The following ZNF790 variants were observed in gnomAD, a reference collection of about 807,000 sequenced individuals.
The protein encoded by ZNF790 is zinc finger protein 790.
A neutral mutation model predicts 12.1 loss-of-function variants in ZNF790; 8 were observed. The ratio of observed to expected loss-of-function variants is 0.66; its 90% CI spans 0.39 to 1.19. ZNF790 has a LOEUF of 1.19. Ranked by LOEUF, ZNF790 falls within the 50% of genes most tolerant of loss-of-function variation. ZNF790 has a pLI of 0.01. For missense variants in ZNF790, 707 were observed against 752.2 expected (o/e 0.94, Z 0.70); for synonymous variants, 252 against 244.3 (o/e 1.03, Z -0.29).
At chr19:36,845,531 A>T (rs181687516) in intron 1 of ZNF790, among the ~76,000 whole-genome samples, 2 of 152,338 alleles carry the variant, frequency 1.3e-5, no homozygotes, top group Admixed American at 1.3e-4. Flanking sequence ...TGTATGCAGA[A>T]TTAAATAACA....
At chr19:36,829,843 A>G (rs367899607) in intron 1 of ZNF790, among the ~76,000 whole-genome samples, 2 of 152,356 alleles carry the variant, frequency 1.3e-5, no homozygotes, top group East Asian at 3.9e-4. Flanking sequence ...CTGGGATTAC[A>G]GGCCTGAGCT....
At position 36,818,424 on chromosome 19, in the gene ZNF790, T is replaced by C. The variant is rs1568331953; in HGVS notation, c.*9A>G. The C allele has an allele frequency of 6.6e-7, 1 of 1,521,090 alleles. No individual in the cohort carries two copies. The highest frequency in any genetic ancestry group is 8.8e-7 in the Non-Finnish European group (1 of 1,133,780). 94.2% of individuals were successfully genotyped at this position (1,521,090 alleles called of 1,614,324 possible). The stretch of plus-strand genomic sequence containing the variant: ...GAATAAAGCCCTTCCTACACTTTTA[T>C]ATAATATTTCACAAGAGTGAAATGA... On this transcript the variant is annotated 3_prime_UTR_variant, in exon 5 of 5. Coordinates refer to ENST00000356725, the MANE Select transcript of ZNF790 (RefSeq NM_206894.4).
Position 36,818,859 on chromosome 19 carries a change from T to A in ZNF790, c.1485A>T (p.Arg495=). Residue 495 remains arginine (R), a synonymous_variant, in exon 5 of 5, where the codon CGA becomes CGT. Coordinates refer to ENST00000356725, the MANE Select transcript of ZNF790 (RefSeq NM_206894.4). The stretch of plus-strand genomic sequence containing the variant: ...TCTTTCCAGTATGAATTTTCTGGTG[T>A]CGATTAAGTTCTGAACCACGAAAAA... ...KTFFRGSELN[R]HQKIHTGKRP... is the part of the protein sequence containing the mutation. 6.2e-7 allele frequency: 1 copy of A among 1,613,636 alleles called. No individual in the cohort carries two copies. The highest frequency in any genetic ancestry group is 1.3e-5 in the African/African-American group (1 of 75,004).
In ZNF790 at chr19:36,819,206, T is replaced by G. The variant is rs760623189; in HGVS notation, c.1138A>C (p.Asn380His). 1.9e-6 allele frequency: 3 copies of G among 1,613,546 alleles called. No homozygotes were observed. Among genetic ancestry groups the G allele is most frequent in the Non-Finnish European group, 8.5e-7 (1 of 1,179,860 alleles). Reference sequence around the variant, plus strand: ...TGAACATTCTGATGTTGAGCAAGATTTGAACCACGAATAAAGGCTTTTCCA... The same window carrying G: ...TGAACATTCTGATGTTGAGCAAGATGTGAACCACGAATAAAGGCTTTTCCA... ...ECGKAFIRGS[N>H]LAQHQNVHVG... is the part of the protein sequence containing the mutation. Residue 380 changes from asparagine to histidine, a missense_variant, in exon 5 of 5, where the codon AAT becomes CAT. By Grantham distance (68) the Asn-to-His change is moderately conservative. Coordinates refer to ENST00000356725, the MANE Select transcript of ZNF790 (RefSeq NM_206894.4).
chr19:36,822,548 T>A (rs1204514711), intron 4 of ZNF790, among the ~76,000 whole-genome samples: 2 of 152,200 alleles, frequency 1.3e-5, no homozygotes, highest in Non-Finnish European at 2.9e-5. Flanking sequence ...TTGTTTTGTT[T>A]TGTTTTTGAG....
chr19:36,823,857 TGAAAG>T, intron 2 of ZNF790, 67 bp from the exon 3 acceptor site: 2 of 1,456,070 alleles, frequency 1.4e-6, no homozygotes, highest in Admixed American at 2.3e-5. Flanking sequence ...TCCCTATAGA[TGAAAG>T]GGGAAAGGCT....
At chr19:36,843,129 T>C (rs964530771), upstream of ZNF790, among the ~76,000 whole-genome samples, 1 of 152,152 alleles carries the variant, frequency 6.6e-6, no homozygotes, top group Non-Finnish European at 1.5e-5. Context: ...TATTTGCCAA[T>C]TCTTGGCAAA....
At chr19:36,823,858 GA>G in intron 2 of ZNF790, 68 bp from the exon 3 acceptor site, 1 of 1,440,272 alleles carries the variant, frequency 6.9e-7, no homozygotes, top group Non-Finnish European at 9.3e-7. Flanking sequence ...CCCTATAGAT[GA>G]AAGGGGAAAG....
At position 36,819,641 on chromosome 19, in the gene ZNF790, A is replaced by G; in HGVS notation, c.703T>C (p.Phe235Leu). The G allele has an allele frequency of 6.2e-7, 1 of 1,607,668 alleles. No homozygotes were observed. Among genetic ancestry groups the G allele is most frequent in the South Asian group, 1.1e-5 (1 of 90,654 alleles). ...TYECKECGKS[F>L]SLRSSLTGHK... ...CCAGTAAGACTCGAACGTAAACTAA[A>G]AGACTTCCCACATTCTTTACATTCA... Residue 235 changes from phenylalanine to leucine, a missense_variant, in exon 5 of 5, where the codon TTT (phenylalanine) becomes CTT (leucine). Phe to Leu is a conservative substitution (Grantham distance 22, BLOSUM62 0). Coordinates refer to ENST00000356725, the MANE Select transcript of ZNF790 (RefSeq NM_206894.4).
At chr19:36,842,665 CAAA>C (rs531022010), upstream of ZNF790, among the ~76,000 whole-genome samples, 1 of 134,084 alleles carries the variant, frequency 7.5e-6, no homozygotes, top group African/African-American at 2.7e-5. Flanking sequence ...AGATATAATA[CAAA>C]AAAAAAAAAC....
intron 1 of ZNF790, among the ~76,000 whole-genome samples, chr19:36,843,960 T>C (rs2072152170): frequency 6.9e-6 from 1 of 145,942 alleles, no homozygotes. Flanking sequence ...TGAGCCGAGA[T>C]TGCACCATTG....
At chr19:36,828,852 C>T (rs548817036) in intron 1 of ZNF790, among the ~76,000 whole-genome samples, 36 of 152,290 alleles carry the variant, frequency 2.4e-4, no homozygotes, top group African/African-American at 7.9e-4. Flanking sequence ...CAAAGTAAAT[C>T]CCAACCATCA....
At chr19:36,827,141 CATATATATATATATATATATAT>C (rs369671729) in intron 1 of ZNF790, among the ~76,000 whole-genome samples, 1,177 of 84,458 alleles carry the variant, frequency 0.014, 39 homozygotes, top group Middle Eastern at 0.08. Flanking sequence ...CACACACACA[CATATATATATATATATATATAT>C]ATATATATAT....
At position 36,823,752 on chromosome 19, in the gene ZNF790, C is replaced by T. The variant is rs748393270; in HGVS notation, c.48G>A (p.Gln16=). 2 of 1,613,022 alleles carry T rather than the reference C, an allele frequency of 1.2e-6. No homozygotes were observed. The highest frequency in any genetic ancestry group is 1.1e-5 in the South Asian group (1 of 90,862). ...MFRDVAVDFS[Q]EEWECLDLEQ... Reference sequence around the variant, plus strand: ...CCAGGTCCAGGCACTCCCACTCCTCCTGAGAGAAATCTACAGCCACATCCC... The same window carrying T: ...CCAGGTCCAGGCACTCCCACTCCTCTTGAGAGAAATCTACAGCCACATCCC... The change falls in exon 3 of 5, where the codon CAG becomes CAA. Residue 16 remains glutamine, a synonymous_variant. Transcript: ENST00000356725.
intron 1 of ZNF790, among the ~76,000 whole-genome samples, chr19:36,833,026 CAATT>C (rs1207952468): frequency 1.3e-5 from 2 of 149,782 alleles, no homozygotes; most frequent in Non-Finnish European, 3.0e-5. Context: ...GGCAAAATGT[CAATT>C]AAATTTCAAC....
At chr19:36,838,506 C>T (rs1365497436), upstream of ZNF790, 1 of 152,266 alleles carries the variant, frequency 6.6e-6, no homozygotes, top group African/African-American at 2.4e-5. This position sits in a 1 kb window ranked among gnomAD's most constrained non-coding sequence, Gnocchi z 4.4. Context: ...ATTAACGGAC[C>T]CTGCATTTGA....
chr19:36,821,050 C>G (rs996625018), intron 4 of ZNF790, among the ~76,000 whole-genome samples: 1 of 125,266 alleles, frequency 8.0e-6, no homozygotes, highest in Non-Finnish European at 1.6e-5. Context: ...CCTCCCCCCT[C>G]CCCCCACTGA....
At chr19:36,846,029 G>A (rs1274046532) in intron 1 of ZNF790, among the ~76,000 whole-genome samples, 5 of 151,910 alleles carry the variant, frequency 3.3e-5, no homozygotes, top group African/African-American at 7.3e-5. Context: ...GGATGATCTC[G>A]AACTCCTGAC....
intron 4 of ZNF790, among the ~76,000 whole-genome samples, chr19:36,822,924 C>A (rs2071707715): frequency 6.6e-6 from 1 of 151,920 alleles, no homozygotes; most frequent in Non-Finnish European, 1.5e-5. Flanking sequence ...GATCTCGGCT[C>A]ACTGCAACCT....
Sources: allele counts gnomAD v4.1 joint callset (sites outside exome capture counted in the v4.1 genomes callset), GRCh38; gene constraint gnomAD v4.1.1; non-coding constraint Gnocchi (gnomAD v3.1); transcripts MANE v1.5; gene names NCBI Gene and HGNC (gene_info 2026-07-23, HGNC 2026-07-21).